Variants in FGD4 observed in about 807,000 individuals in gnomAD.
FGD4 encodes FYVE, RhoGEF and PH domain-containing protein 4.
Under a neutral mutation model 102.0 loss-of-function variants are expected in FGD4, and 42 were observed. The ratio of observed to expected loss-of-function variants is 0.41; its 90% CI spans 0.32 to 0.53. The LOEUF (loss-of-function observed/expected upper bound fraction) is 0.53. Ranked by LOEUF, FGD4 falls within the 20% of genes least tolerant of loss-of-function variation. The pLI, the probability that FGD4 is intolerant of heterozygous loss-of-function variation, is 0.21. For missense variants in FGD4, 902 were observed against 1,078.2 expected, an observed-to-expected ratio of 0.84 and a Z score of 2.29; for synonymous variants, 380 against 375.7, an observed-to-expected ratio of 1.01 and a Z score of -0.13.
intron 1 of FGD4, among the ~76,000 whole-genome samples, chr12:32,412,064 A>T (rs117129104): frequency 6.6e-6 from 1 of 152,224 alleles, no homozygotes; most frequent in South Asian, 2.1e-4. Flanking sequence ...CAGTATCCCA[A>T]TGGGGCCCAA....
rs535411930 is a variant in FGD4, at chr12:32,581,862, A to G, written c.504-98A>G. ...GAAACCATCAGAGATAGAAAAAAAA[A>G]GTAGCGAATATCCCTTTTCAACTGG... On this transcript the variant is annotated intron_variant, in intron 3 of 16. Coordinates refer to ENST00000534526, the MANE Select transcript of FGD4 (RefSeq NM_001370298.3). The G allele has an allele frequency of 1.3e-3, 1,779 of 1,343,858 alleles. 10 individuals are homozygous for G. Among genetic ancestry groups the G allele is most frequent in the Middle Eastern group, 8.9e-3 (40 of 4,514 alleles). 83.2% of individuals were successfully genotyped at this position (1,343,858 alleles called of 1,614,324 possible).
intron 1 of FGD4, among the ~76,000 whole-genome samples, chr12:32,472,566 G>A (rs993795255): frequency 2.6e-5 from 4 of 152,238 alleles, no homozygotes; most frequent in African/African-American, 9.6e-5. Context: ...CCATGCCTGA[G>A]CCTCCCACCC....
At chr12:32,625,205 C>G in intron 13 of FGD4, 137 bp downstream of exon 13, 1 of 637,552 alleles carries the variant, frequency 1.6e-6, no homozygotes, top group East Asian at 3.1e-5. Flanking sequence ...CTCATTCTTT[C>G]TTAGATGAAC....
At chr12:32,554,883 G>C (rs1943967390) in intron 1 of FGD4, among the ~76,000 whole-genome samples, 1 of 152,252 alleles carries the variant, frequency 6.6e-6, no homozygotes, top group Non-Finnish European at 1.5e-5. Flanking sequence ...GTGGCCATAA[G>C]GTAAAAGTGG....
At chr12:32,409,273 G>C (rs1941093107) in intron 1 of FGD4, among the ~76,000 whole-genome samples, 2 of 145,608 alleles carry the variant, frequency 1.4e-5, no homozygotes, top group African/African-American at 5.2e-5. Context: ...CCTCCCCCCA[G>C]TAATTTTTCT....
intron 1 of FGD4, among the ~76,000 whole-genome samples, chr12:32,450,601 T>C (rs1000790212): frequency 6.6e-6 from 1 of 152,202 alleles, no homozygotes; most frequent in Non-Finnish European, 1.5e-5. Context: ...CCCTGGTTTC[T>C]TAGTGGAAAA....
intron 2 of FGD4, among the ~76,000 whole-genome samples, chr12:32,568,511 C>T (rs564205960): frequency 1.4e-4 from 21 of 151,020 alleles, no homozygotes; most frequent in Admixed American, 1.2e-3. Flanking sequence ...CAAAATAGCT[C>T]CTTTAGTAAT....
chr12:32,447,169 C>G (rs1248149631), intron 1 of FGD4, among the ~76,000 whole-genome samples: 1 of 152,164 alleles, frequency 6.6e-6, no homozygotes, highest in Non-Finnish European at 1.5e-5. Flanking sequence ...AGACCGATGA[C>G]TCCTTTGAGA....
chr12:32,636,746 C>T (rs1950843862), intron 15 of FGD4, among the ~76,000 whole-genome samples: 1 of 152,036 alleles, frequency 6.6e-6, no homozygotes, highest in African/African-American at 2.4e-5. Flanking sequence ...ATGAATAACA[C>T]TGAGTAGCAC....
intron 1 of FGD4, among the ~76,000 whole-genome samples, chr12:32,529,177 C>T (rs1465045910): frequency 1.1e-4 from 16 of 151,998 alleles, no homozygotes; most frequent in African/African-American, 3.6e-4. Context: ...TGCAGTGGCG[C>T]AATCTTGGCT....
chr12:32,402,949 A>G (rs56149636), intron 1 of FGD4, among the ~76,000 whole-genome samples: 9,533 of 152,230 alleles, frequency 0.063, 428 homozygotes, highest in Middle Eastern at 0.14. Flanking sequence ...GTTCAATAGT[A>G]TCATTAGATA....
chr12:32,464,588 G>A (rs571044875), intron 1 of FGD4, among the ~76,000 whole-genome samples: 2 of 152,288 alleles, frequency 1.3e-5, no homozygotes, highest in South Asian at 4.1e-4. Flanking sequence ...AATAATAGAA[G>A]AATAAGAATG....
At chr12:32,415,002 A>G (rs1941348776) in intron 1 of FGD4, among the ~76,000 whole-genome samples, 1 of 152,182 alleles carries the variant, frequency 6.6e-6, no homozygotes, top group Non-Finnish European at 1.5e-5. Context: ...TTGTTTCAAT[A>G]AATTTTTCAA....
intron 1 of FGD4, among the ~76,000 whole-genome samples, chr12:32,461,359 G>A (rs1302707654): frequency 6.6e-6 from 1 of 152,160 alleles, no homozygotes; most frequent in East Asian, 1.9e-4. Flanking sequence ...AGTAACAGAA[G>A]TGTTGATTGA....
chr12:32,434,100 C>T (rs915767421), intron 1 of FGD4, among the ~76,000 whole-genome samples: 82 of 152,144 alleles, frequency 5.4e-4, no homozygotes, highest in African/African-American at 1.8e-3. Context: ...GTGATCCGCC[C>T]GCCTCAGCCT....
chr12:32,464,705 T>C (rs1166775068), intron 1 of FGD4, among the ~76,000 whole-genome samples: 1 of 152,204 alleles, frequency 6.6e-6, no homozygotes, highest in Non-Finnish European at 1.5e-5. Flanking sequence ...ATTACTCCAA[T>C]TTTTATAGAT....
At chr12:32,440,074 G>A (rs967246712) in intron 1 of FGD4, among the ~76,000 whole-genome samples, 8 of 152,122 alleles carry the variant, frequency 5.3e-5, no homozygotes, top group African/African-American at 1.4e-4. Flanking sequence ...ATTTCTTTGA[G>A]TTTCCTCAAC....
chr12:32,468,797 G>C (rs189941703), intron 1 of FGD4, among the ~76,000 whole-genome samples: 1 of 152,120 alleles, frequency 6.6e-6, no homozygotes, highest in Non-Finnish European at 1.5e-5. Context: ...TCTCACCCAA[G>C]TTATAGCATT....
At chr12:32,454,963 G>A (rs964299715) in intron 1 of FGD4, among the ~76,000 whole-genome samples, 4 of 152,126 alleles carry the variant, frequency 2.6e-5, no homozygotes, top group Admixed American at 2.6e-4. Context: ...GACCTACTTA[G>A]AATGGTTCTT....
Sources: gnomAD v4.1 joint callset for allele counts (sites outside exome capture counted in the v4.1 genomes callset) on GRCh38, gnomAD v4.1.1 for gene constraint, MANE v1.5 for transcripts, NCBI Gene and HGNC (gene_info 2026-07-23, HGNC 2026-07-21) for gene names.